The following PLAT variants were observed in gnomAD, a reference collection of about 807,000 sequenced individuals.
PLAT encodes plasminogen activator, tissue type.
PLAT carries 48 observed loss-of-function variants against 74.9 expected under a neutral mutation model. That is an observed-to-expected ratio of 0.64 (90% confidence interval 0.51 to 0.82). The LOEUF (loss-of-function observed/expected upper bound fraction) is 0.82, where lower values mean the gene tolerates loss of function less well. Among genes scored for constraint, PLAT ranks in the 40% least tolerant of loss-of-function variants. The pLI, the probability that PLAT is intolerant of heterozygous loss-of-function variation, is 0.00. For synonymous variants in PLAT, 307 were observed against 294.4 expected (o/e 1.04, Z -0.44); for missense variants, 673 against 736.2 (o/e 0.91, Z 0.99).
chr8:42,188,930 A>G lies in PLAT; in HGVS notation c.253+4T>C. ...ATGCACCACCTCCCAGCCTCAGTAC[A>G]TACTTTTGACAGGCACTGAGTGGCA... On this transcript the variant is annotated splice_donor_region_variant and intron_variant, in intron 4 of 13. Transcript: ENST00000220809. The G allele has an allele frequency of 6.2e-7, 1 of 1,612,188 alleles. No homozygotes were observed. The highest frequency in any genetic ancestry group is 8.5e-7 in the Non-Finnish European group (1 of 1,178,692).
In PLAT at chr8:42,175,209, T is replaced by C. The variant is rs1460139860; in HGVS notation, c.*784A>G. 6.6e-6 allele frequency: 1 copy of C among 152,232 alleles called. No individual in the cohort carries two copies. The highest frequency in any genetic ancestry group is 6.5e-5 in the Admixed American group (1 of 15,274). The allele number at this position is 152,232 out of a possible 1,614,324, so 9.4% of individuals were successfully genotyped here. A position where few individuals can be genotyped will look rare whatever the true frequency, so the allele number is the denominator to read the frequency against. ...TGAATAAAGAGTGGGATACAGCATC[T>C]ATAACAAAACCATTCCACTCTGATT... On this transcript the variant is annotated 3_prime_UTR_variant, in exon 14 of 14. Transcript: ENST00000220809.
chr8:42,196,962 G>A (rs1805933935), intron 1 of PLAT, among the ~76,000 whole-genome samples: 1 of 152,126 alleles, frequency 6.6e-6, no homozygotes, highest in Non-Finnish European at 1.5e-5. Flanking sequence ...CTTTTGCTGG[G>A]CTGGAATCCA....
chr8:42,177,089 C>T (rs912780564), intron 13 of PLAT, among the ~76,000 whole-genome samples: 5 of 152,118 alleles, frequency 3.3e-5, no homozygotes, highest in African/African-American at 4.8e-5. Context: ...AAGCAATTCT[C>T]GTGCTTATGG....
chr8:42,201,604 G>A lies in PLAT; in HGVS notation c.-27+5890C>T, dbSNP rs8178878. Among the ~76,000 whole-genome samples, 193 of 152,288 alleles carry A rather than the reference G, an allele frequency of 1.3e-3. 1 individual carries two copies. The highest frequency in any genetic ancestry group is 2.4e-3 in the Non-Finnish European group (160 of 68,034). On this transcript the variant is annotated intron_variant, in intron 1 of 13. Coordinates refer to ENST00000220809, the MANE Select transcript of PLAT (RefSeq NM_000930.5). ...GATGTAGAATTTTGTGCCTTCATCTGTGTTCGTAGAACAGTATCAACAGGA... is the reference window on the plus strand; with the variant it reads ...GATGTAGAATTTTGTGCCTTCATCTATGTTCGTAGAACAGTATCAACAGGA...
At chr8:42,184,050 C>G (rs570238147) in intron 7 of PLAT, among the ~76,000 whole-genome samples, 1 of 152,032 alleles carries the variant, frequency 6.6e-6, no homozygotes, top group East Asian at 1.9e-4. Context: ...AAGCGATCCT[C>G]CCACCTGAGC....
At chr8:42,179,822 C>T in intron 12 of PLAT, 104 bp downstream of exon 12, 1 of 1,201,968 alleles carries the variant, frequency 8.3e-7, no homozygotes, top group Non-Finnish European at 1.1e-6. Flanking sequence ...AGTGCCTGAC[C>T]CGGGGCTGGA....
rs1419569830 is a variant in PLAT, at chr8:42,194,241, A to AGAGAGAGT, written c.-26-1031_-26-1030insACTCTCTC. Among the ~76,000 whole-genome samples, 105 of 52,572 alleles carry AGAGAGAGT rather than the reference A, an allele frequency of 2.0e-3. 3 individuals are homozygous for AGAGAGAGT. Among genetic ancestry groups the AGAGAGAGT allele is most frequent in the African/African-American group, 6.9e-3 (103 of 14,880 alleles). The allele number at this position is 52,572 out of a possible 152,430, so 34.5% of individuals were successfully genotyped here. A position where few individuals can be genotyped will look rare whatever the true frequency, so the allele number is the denominator to read the frequency against. ...GAGAGAGAGAGAGAGAGAGAGAGAG[A>AGAGAGAGT]GTGTGTGTGTGTGTGTGTGTGTGTG... On this transcript the variant is annotated intron_variant, in intron 1 of 13. Transcript: ENST00000220809.
chr8:42,187,094 AATC>A (rs1182288166), intron 6 of PLAT: 2 of 272,112 alleles, frequency 7.3e-6, no homozygotes, highest in African/African-American at 4.4e-5. Flanking sequence ...TTTATCTATC[AATC>A]ATCTATCAAT....
chr8:42,182,304 C>G (rs186836212), intron 8 of PLAT: 2 of 376,568 alleles, frequency 5.3e-6, no homozygotes, highest in Admixed American at 3.9e-5. Flanking sequence ...GGGAGGACAC[C>G]GAGTTCATCT....
chr8:42,206,421 G>A (rs1293589958), intron 1 of PLAT, among the ~76,000 whole-genome samples: 4 of 152,152 alleles, frequency 2.6e-5, no homozygotes, highest in Non-Finnish European at 4.4e-5. Context: ...CAGAATGAGC[G>A]TTCTTGCCAC....
rs778071235 is a variant in PLAT, at chr8:42,182,738, C to T, written c.784G>A (p.Gly262Ser). 3.1e-6 allele frequency: 5 copies of T among 1,604,988 alleles called. No individual in the cohort carries two copies. Among genetic ancestry groups the T allele is most frequent in the African/African-American group, 1.3e-5 (1 of 74,484 alleles). ...QNPSAQALGL[G>S]KHNYCRNPDG... ...ACCTACCGGCAGTAATTATGTTTGC[C>T]CAGGCCCAGTGCCTGGGCACTGGGG... Residue 262 changes from glycine to serine, a missense_variant, in exon 8 of 14, where the codon GGC becomes AGC. By Grantham distance (56) the Gly-to-Ser change is moderately conservative (BLOSUM62 0). Transcript: ENST00000220809.
rs1028945144 is a variant in PLAT at position 42,180,701 on chromosome 8, C to T, written c.890-16G>A. ...CCGCAGGTGGCTGGGGAGGAAAGGACGAGGAGGCAGTCAGTCCCACAGGCC... is the reference window on the plus strand; with the variant it reads ...CCGCAGGTGGCTGGGGAGGAAAGGATGAGGAGGCAGTCAGTCCCACAGGCC... On this transcript the variant is annotated splice_polypyrimidine_tract_variant and intron_variant, in intron 9 of 13. Coordinates refer to ENST00000220809, the MANE Select transcript of PLAT (RefSeq NM_000930.5). 1 of 1,546,674 alleles carries T rather than the reference C, an allele frequency of 6.5e-7. No homozygotes were observed. Among genetic ancestry groups the T allele is most frequent in the Admixed American group, 1.9e-5 (1 of 51,892 alleles).
In PLAT at chr8:42,180,610, T is replaced by C; in HGVS notation, c.965A>G (p.His322Arg). The C allele has an allele frequency of 6.2e-7, 1 of 1,612,854 alleles. No homozygotes were observed. Among genetic ancestry groups the C allele is most frequent in the Non-Finnish European group, 8.5e-7 (1 of 1,179,224 alleles). The change falls in exon 10 of 14, where the codon CAC becomes CGC. Residue 322 changes from histidine to arginine, a missense_variant. Coordinates refer to ENST00000220809, the MANE Select transcript of PLAT (RefSeq NM_000930.5). ...KGGLFADIAS[H>R]PWQAAIFAKH... ...GGCAAAGATGGCAGCCTGCCAGGGG[T>C]GGGAGGCGATGTCGGCGAAGAGCCC...
intron 1 of PLAT, among the ~76,000 whole-genome samples, chr8:42,200,567 C>T (rs1317381390): frequency 6.6e-6 from 1 of 150,640 alleles, no homozygotes; most frequent in African/African-American, 2.5e-5. Flanking sequence ...GTCCCAGCTA[C>T]TTGGGAGGCT....
intron 1 of PLAT, among the ~76,000 whole-genome samples, 188 bp from the exon 2 acceptor site, chr8:42,193,399 A>G (rs1805761645): frequency 6.6e-6 from 1 of 152,154 alleles, no homozygotes; most frequent in Non-Finnish European, 1.5e-5. Flanking sequence ...AAATATATAT[A>G]ACACAAAATT....
intron 1 of PLAT, among the ~76,000 whole-genome samples, chr8:42,201,918 G>A (rs948070853): frequency 5.9e-5 from 9 of 152,194 alleles, no homozygotes; most frequent in Admixed American, 2.6e-4. Flanking sequence ...GTTAGACACC[G>A]GCTCTTGCTA....
At chr8:42,177,504 T>TA (rs1301973612) in intron 13 of PLAT, among the ~76,000 whole-genome samples, 2 of 152,346 alleles carry the variant, frequency 1.3e-5, no homozygotes, top group East Asian at 1.9e-4. Context: ...CTCCATCACT[T>TA]ACTAGCTGAT....
At position 42,176,155 on chromosome 8, in the gene PLAT, C is replaced by A. The variant is rs1386768062; in HGVS notation, c.1531-4G>T. On this transcript the variant is annotated splice_polypyrimidine_tract_variant and splice_region_variant and intron_variant, in intron 13 of 13. Transcript: ENST00000220809. Reference sequence around the variant, plus strand: ...CCAGGGGGCCTCCCGAATCGCCCTGCAAAGGAGATAGCAGGTTTGGCGTTT... The same window carrying A: ...CCAGGGGGCCTCCCGAATCGCCCTGAAAAGGAGATAGCAGGTTTGGCGTTT... 2 of 1,611,776 alleles carry A rather than the reference C, an allele frequency of 1.2e-6. No homozygotes were observed. The highest frequency in any genetic ancestry group is 1.7e-6 in the Non-Finnish European group (2 of 1,178,600).
intron 13 of PLAT, among the ~76,000 whole-genome samples, chr8:42,177,811 C>T (rs897135718): frequency 1.3e-5 from 2 of 152,164 alleles, no homozygotes; most frequent in African/African-American, 4.8e-5. Context: ...GAAACTAAAT[C>T]CTGTCAGGGA....
Sources: allele counts gnomAD v4.1 joint callset (sites outside exome capture counted in the v4.1 genomes callset), GRCh38; gene constraint gnomAD v4.1.1; transcripts MANE v1.5; gene names NCBI Gene and HGNC (gene_info 2026-07-23, HGNC 2026-07-21).